TACR3: variants seen among roughly 807,000 people sequenced by gnomAD.
TACR3 encodes tachykinin receptor 3.
TACR3 carries 34 observed loss-of-function variants against 35.0 expected under a neutral mutation model. That is an observed-to-expected ratio of 0.97 (90% CI 0.74 to 1.30). The LOEUF (loss-of-function observed/expected upper bound fraction) is 1.30, where lower values mean the gene tolerates loss of function less well. TACR3 is among the 50% of genes most tolerant of loss of function. TACR3 has a pLI of 0.00. For missense variants in TACR3, 558 were observed against 591.7 expected, an observed-to-expected ratio of 0.94 and a Z score of 0.59; for synonymous variants, 233 against 221.1, an observed-to-expected ratio of 1.05 and a Z score of -0.48.
At chr4:103,700,852 G>A (rs1280891358) in intron 1 of TACR3, among the ~76,000 whole-genome samples, 1 of 151,990 alleles carries the variant, frequency 6.6e-6, no homozygotes, top group Non-Finnish European at 1.5e-5. Flanking sequence ...ATTCAACAAC[G>A]CTTCATGCTA....
intron 1 of TACR3, among the ~76,000 whole-genome samples, chr4:103,667,271 AC>A (rs1367431133): frequency 1.3e-5 from 2 of 151,966 alleles, no homozygotes; most frequent in Non-Finnish European, 2.9e-5. Context: ...ACAAAACAAA[AC>A]AAAACAAAAA....
At chr4:103,623,383 A>C (rs1256738960) in intron 3 of TACR3, among the ~76,000 whole-genome samples, 2 of 150,562 alleles carry the variant, frequency 1.3e-5, no homozygotes, top group African/African-American at 4.9e-5. Flanking sequence ...ATTTTTCTCT[A>C]TTTTTTTTTA....
chr4:103,628,425 G>A (rs993106492), intron 3 of TACR3, among the ~76,000 whole-genome samples: 1 of 151,976 alleles, frequency 6.6e-6, no homozygotes, highest in Non-Finnish European at 1.5e-5. Context: ...GAAGAAAAGG[G>A]AGAGGAATCA....
chr4:103,606,243 T>C (rs529413307), intron 3 of TACR3, among the ~76,000 whole-genome samples: 1 of 151,936 alleles, frequency 6.6e-6, no homozygotes, highest in Non-Finnish European at 1.5e-5. Flanking sequence ...TAGTATAGTT[T>C]GAAGTCAGGT....
chr4:103,641,758 C>T lies in TACR3; in HGVS notation c.888+14436G>A, dbSNP rs76722458. ...CATCAGTGGATGAATGGATAAAAAACGTGGCATATACACACAATGAAATAC... is the reference window on the plus strand; with the variant it reads ...CATCAGTGGATGAATGGATAAAAAATGTGGCATATACACACAATGAAATAC... On this transcript the variant is annotated intron_variant, in intron 3 of 4. Transcript: ENST00000304883. 6.6e-4 allele frequency among the ~76,000 whole-genome samples: 100 copies of T among 151,894 alleles called. 2 individuals carry two copies. The East Asian group carries it at 0.018, about 28-fold the overall frequency.
At chr4:103,627,059 G>A (rs956732009) in intron 3 of TACR3, among the ~76,000 whole-genome samples, 5 of 149,284 alleles carry the variant, frequency 3.3e-5, no homozygotes, top group Admixed American at 6.7e-5. Context: ...GCAGGCACCT[G>A]TAGTCCCAGC....
At chr4:103,618,734 G>C (rs936294527) in intron 3 of TACR3, among the ~76,000 whole-genome samples, 1 of 151,946 alleles carries the variant, frequency 6.6e-6, no homozygotes, top group African/African-American at 2.4e-5. Context: ...ATGAGCATGA[G>C]ATGCTTTTTA....
At chr4:103,640,771 G>T (rs1725339009) in intron 3 of TACR3, among the ~76,000 whole-genome samples, 2 of 151,666 alleles carry the variant, frequency 1.3e-5, no homozygotes, top group Non-Finnish European at 2.9e-5. Context: ...TAGCTCATCA[G>T]CTATCATTAG....
In TACR3 at chr4:103,656,186, A is replaced by G. The variant is rs771787043; in HGVS notation, c.888+8T>C. On this transcript the variant is annotated splice_region_variant and intron_variant, in intron 3 of 4. Transcript: ENST00000304883. ...TACAAATGCTAGGTAAACAACATGG[A>G]CCAGTACCTTTCTTTTGGCCTTTAG... The G allele has an allele frequency of 3.1e-6, 5 of 1,612,744 alleles. No homozygotes were observed. The highest frequency in any genetic ancestry group is 3.4e-6 in the Non-Finnish European group (4 of 1,179,050).
intron 1 of TACR3, among the ~76,000 whole-genome samples, chr4:103,668,157 A>C (rs1246842017): frequency 6.6e-6 from 1 of 152,160 alleles, no homozygotes; most frequent in African/African-American, 2.4e-5. Context: ...TTACTGACAT[A>C]CAGGAGAACC....
chr4:103,656,751 A>G (rs1280612242), intron 2 of TACR3, among the ~76,000 whole-genome samples: 1 of 152,088 alleles, frequency 6.6e-6, no homozygotes, highest in African/African-American at 2.4e-5. Flanking sequence ...GTTTTCTCCT[A>G]TATAGGACTG....
intron 3 of TACR3, among the ~76,000 whole-genome samples, chr4:103,607,580 G>T (rs1184027684): frequency 6.6e-6 from 1 of 152,044 alleles, no homozygotes; most frequent in African/African-American, 2.4e-5. Flanking sequence ...TGAGCCATGT[G>T]ATAATATAGG....
chr4:103,700,690 T>A (rs1318893091), intron 1 of TACR3, among the ~76,000 whole-genome samples: 1 of 152,094 alleles, frequency 6.6e-6, no homozygotes, highest in African/African-American at 2.4e-5. Context: ...GTTTTTAAAA[T>A]GTTGCTGTAC....
chr4:103,647,176 T>C (rs945105615), intron 3 of TACR3, among the ~76,000 whole-genome samples: 2 of 151,924 alleles, frequency 1.3e-5, no homozygotes, highest in Non-Finnish European at 2.9e-5. Context: ...CAACTTTTCA[T>C]ATGCCAACCT....
chr4:103,623,564 TAAG>T (rs1171175040), intron 3 of TACR3, among the ~76,000 whole-genome samples: 1 of 152,134 alleles, frequency 6.6e-6, no homozygotes, highest in Non-Finnish European at 1.5e-5. Context: ...TTATGAGACT[TAAG>T]GAGGGTGTGG....
intron 1 of TACR3, among the ~76,000 whole-genome samples, chr4:103,700,416 G>A (rs1040969271): frequency 4.9e-4 from 74 of 152,122 alleles, no homozygotes; most frequent in African/African-American, 1.7e-3. Context: ...GTGTGAAGGA[G>A]AAACATCTTA....
intron 1 of TACR3, among the ~76,000 whole-genome samples, chr4:103,689,832 A>G (rs1229984736): frequency 6.6e-6 from 1 of 152,148 alleles, no homozygotes; most frequent in Non-Finnish European, 1.5e-5. Flanking sequence ...TAATCCACAA[A>G]TATCAAAAGC....
chr4:103,655,764 A>G (rs1725720382), intron 3 of TACR3, among the ~76,000 whole-genome samples: 1 of 152,100 alleles, frequency 6.6e-6, no homozygotes, highest in South Asian at 2.1e-4. Flanking sequence ...AGATAGATGT[A>G]TATTAGAAAA....
intron 1 of TACR3, among the ~76,000 whole-genome samples, chr4:103,666,615 G>C (rs1339345902): frequency 2.0e-5 from 3 of 151,994 alleles, no homozygotes; most frequent in Admixed American, 2.0e-4. Flanking sequence ...TACTTAAATA[G>C]TAATTACAAA....
Sources: gnomAD v4.1 joint callset for allele counts (sites outside exome capture counted in the v4.1 genomes callset) on GRCh38, gnomAD v4.1.1 for gene constraint, MANE v1.5 for transcripts, NCBI Gene and HGNC (gene_info 2026-07-23, HGNC 2026-07-21) for gene names.